Variants in CNTNAP5 observed in about 807,000 individuals in gnomAD.
CNTNAP5 encodes contactin associated protein family member 5, also known as contactin-associated protein-like 5.
Under a neutral mutation model 150.2 loss-of-function variants are expected in CNTNAP5, and 72 were observed. The observed-to-expected ratio is 0.48, with a 90% confidence interval of 0.40 to 0.58. CNTNAP5 has a LOEUF of 0.58. CNTNAP5 is among the 20% of genes least tolerant of loss of function. CNTNAP5 has a pLI of 0.00. For synonymous variants in CNTNAP5, 672 were observed against 619.8 expected (o/e 1.08, Z -1.25); for missense variants, 1,636 against 1,626.2 (o/e 1.01, Z -0.10).
intron 3 of CNTNAP5, among the ~76,000 whole-genome samples, chr2:124,317,007 T>C (rs1688983534): frequency 6.6e-6 from 1 of 152,046 alleles, no homozygotes; most frequent in Admixed American, 6.6e-5. Context: ...TCCCGAATGA[T>C]CTGGGTTTTA....
chr2:124,332,969 C>G (rs986566234), intron 3 of CNTNAP5, among the ~76,000 whole-genome samples: 5 of 152,124 alleles, frequency 3.3e-5, no homozygotes, highest in Admixed American at 2.6e-4. Flanking sequence ...ATCACTAAGT[C>G]AATTCAGTAC....
chr2:124,395,983 A>G (rs758323344), intron 3 of CNTNAP5, among the ~76,000 whole-genome samples: 2 of 152,208 alleles, frequency 1.3e-5, no homozygotes, highest in African/African-American at 2.4e-5. Flanking sequence ...CTACAGTACC[A>G]TGCAGGAATA....
At chr2:124,285,307 T>TA in intron 3 of CNTNAP5, among the ~76,000 whole-genome samples, 1 of 152,162 alleles carries the variant, frequency 6.6e-6, no homozygotes, top group Non-Finnish European at 1.5e-5. Flanking sequence ...CTCTTGGGAA[T>TA]ATCTGGGACA....
chr2:124,713,238 TC>T lies in CNTNAP5; in HGVS notation c.2078-33990del, dbSNP rs1558746570. Among the ~76,000 whole-genome samples the T allele has an allele frequency of 1.4e-3, 60 of 41,708 alleles. 7 individuals are homozygous for T. The highest frequency in any genetic ancestry group is 5.0e-3 in the South Asian group (5 of 1,000). 27.4% of individuals were successfully genotyped at this position (41,708 alleles called of 152,430 possible). A position where few individuals can be genotyped will look rare whatever the true frequency, so the allele number is the denominator to read the frequency against. ...TTCTCTGTTTCTTTCTTTCTTTCTT[TC>T]TTTCTCTTTCTTTCTTTCTTTCTTT... On this transcript the variant is annotated intron_variant, in intron 13 of 23. Transcript: ENST00000682447.
chr2:124,576,325 C>A (rs898416807), intron 11 of CNTNAP5, among the ~76,000 whole-genome samples: 1 of 152,026 alleles, frequency 6.6e-6, no homozygotes, highest in Non-Finnish European at 1.5e-5. Context: ...TGATGAAGAC[C>A]CTGGCAATCA....
At chr2:124,150,372 C>A (rs915527987) in intron 1 of CNTNAP5, among the ~76,000 whole-genome samples, 2 of 152,126 alleles carry the variant, frequency 1.3e-5, no homozygotes, top group Non-Finnish European at 2.9e-5. Context: ...GTAGTTACAA[C>A]CCCAAATCTA....
At chr2:124,272,941 G>C (rs1687797056) in intron 3 of CNTNAP5, among the ~76,000 whole-genome samples, 1 of 152,186 alleles carries the variant, frequency 6.6e-6, no homozygotes, top group African/African-American at 2.4e-5. Flanking sequence ...GCATGACCCT[G>C]TAGGTCATTT....
rs189455651 is a variant in CNTNAP5, at chr2:124,230,333, A to T, written c.187+8524A>T. ...CAATTAGCATTTCAGCTGTCTAGGG[A>T]CTTTTTCCAGATTACAAGGGAAAAT... is the stretch of plus-strand genomic sequence containing the variant. On this transcript the variant is annotated intron_variant, in intron 2 of 23. Transcript: ENST00000682447. Among the ~76,000 whole-genome samples, 30 of 152,158 alleles carry T rather than the reference A, an allele frequency of 2.0e-4. No homozygotes were observed. In the East Asian group the frequency reaches 5.8e-3, roughly 30 times the overall value.
chr2:124,169,128 A>G (rs1684873421), intron 1 of CNTNAP5, among the ~76,000 whole-genome samples: 1 of 151,654 alleles, frequency 6.6e-6, no homozygotes, highest in Non-Finnish European at 1.5e-5. Flanking sequence ...CTTCTTTCCC[A>G]CTGGACTGGA....
intron 12 of CNTNAP5, among the ~76,000 whole-genome samples, chr2:124,633,851 C>T (rs147054558): frequency 2.1e-3 from 326 of 152,332 alleles, no homozygotes; most frequent in African/African-American, 7.4e-3. Context: ...ACCACCAAGG[C>T]TTATGGCTCG....
At chr2:124,647,127 G>A (rs995417968) in intron 12 of CNTNAP5, among the ~76,000 whole-genome samples, 11 of 149,240 alleles carry the variant, frequency 7.4e-5, no homozygotes, top group African/African-American at 2.7e-4. Flanking sequence ...GGCAAAATAT[G>A]TCCTTCCGTC....
intron 21 of CNTNAP5, among the ~76,000 whole-genome samples, chr2:124,878,107 T>A (rs1677897392): frequency 6.6e-6 from 1 of 152,090 alleles, no homozygotes; most frequent in Admixed American, 6.6e-5. Flanking sequence ...TTTCACACAA[T>A]GCACAGTTCA....
chr2:124,847,320 T>C (rs1683069831), intron 19 of CNTNAP5, among the ~76,000 whole-genome samples: 1 of 152,046 alleles, frequency 6.6e-6, no homozygotes, highest in Non-Finnish European at 1.5e-5. Context: ...TGACTTCGAG[T>C]CCAATGGAGT....
intron 21 of CNTNAP5, among the ~76,000 whole-genome samples, chr2:124,878,535 G>T (rs1312075990): frequency 6.6e-6 from 1 of 151,908 alleles, no homozygotes; most frequent in Non-Finnish European, 1.5e-5. Flanking sequence ...CCAGCTAAAG[G>T]TATCCTAGTC....
At chr2:124,225,963 G>A (rs1686447430) in intron 2 of CNTNAP5, among the ~76,000 whole-genome samples, 1 of 151,994 alleles carries the variant, frequency 6.6e-6, no homozygotes, top group South Asian at 2.1e-4. Flanking sequence ...CTTTTTTATG[G>A]ATGAATAATA....
intron 3 of CNTNAP5, among the ~76,000 whole-genome samples, chr2:124,246,787 A>G (rs1687040275): frequency 6.6e-6 from 1 of 152,020 alleles, no homozygotes; most frequent in East Asian, 1.9e-4. Context: ...TCAGCTATTC[A>G]TCACATAGCT....
intron 10 of CNTNAP5, among the ~76,000 whole-genome samples, chr2:124,529,461 T>C (rs1695056273): frequency 6.6e-6 from 1 of 152,160 alleles, no homozygotes; most frequent in Non-Finnish European, 1.5e-5. Flanking sequence ...GTGTTTAGTT[T>C]CGTGAGTAAG....
intron 1 of CNTNAP5, among the ~76,000 whole-genome samples, chr2:124,196,829 C>T (rs1558796676): frequency 6.6e-6 from 1 of 152,198 alleles, no homozygotes; most frequent in Admixed American, 6.5e-5. Flanking sequence ...CTCTCATCTG[C>T]ACTGTCCCCA....
intron 19 of CNTNAP5, among the ~76,000 whole-genome samples, chr2:124,821,988 C>G (rs1682501549): frequency 6.6e-6 from 1 of 152,198 alleles, no homozygotes; most frequent in South Asian, 2.1e-4. Flanking sequence ...TGAAAGCTCT[C>G]AGGTCCCATC....
Sources: gnomAD v4.1 joint callset for allele counts (sites outside exome capture counted in the v4.1 genomes callset) on GRCh38, gnomAD v4.1.1 for gene constraint, MANE v1.5 for transcripts, NCBI Gene and HGNC (gene_info 2026-07-23, HGNC 2026-07-21) for gene names.